The following EML1 variants were observed in gnomAD, a reference collection of about 807,000 sequenced individuals.
EML1 encodes the protein echinoderm microtubule-associated protein-like 1.
Under a neutral mutation model 110.4 loss-of-function variants are expected in EML1, and 27 were observed. The observed-to-expected ratio is 0.24, with a 90% CI of 0.18 to 0.34. The LOEUF is 0.34. Among genes scored for constraint, EML1 ranks in the 10% least tolerant of loss-of-function variants. The probability of loss-of-function intolerance (pLI) is 1.00; values close to 1 mark genes in which losing one functional copy is unlikely to be tolerated. For synonymous variants in EML1, 344 were observed against 385.8 expected, an observed-to-expected ratio of 0.89 and a Z score of 1.27; for missense variants, 741 against 1,030.9, an observed-to-expected ratio of 0.72 and a Z score of 3.85.
intron 2 of EML1, 148 bp downstream of exon 2, chr14:99,851,183 C>T: frequency 2.3e-6 from 2 of 880,696 alleles, no homozygotes; most frequent in South Asian, 1.8e-5. Context: ...AACATAATCA[C>T]ACGACGTATG....
chr14:99,894,584 G>C lies in EML1; in HGVS notation c.548-45G>C, dbSNP rs143655192. 2.6e-4 allele frequency: 417 copies of C among 1,581,228 alleles called. 9 individuals carry two copies. The East Asian group carries it at 9.5e-3, about 36-fold the overall frequency. ...GGATAAAGCATTTGTTTTCAGGTACGCTGGGCACTGAGGTATCTTACTGAA... is the reference window on the plus strand; with the variant it reads ...GGATAAAGCATTTGTTTTCAGGTACCCTGGGCACTGAGGTATCTTACTGAA... On this transcript the variant is annotated intron_variant, in intron 5 of 21. Coordinates refer to ENST00000262233, the MANE Select transcript of EML1 (RefSeq NM_004434.3).
intron 1 of EML1, among the ~76,000 whole-genome samples, chr14:99,836,589 T>C (rs1456322005): frequency 6.6e-6 from 1 of 152,232 alleles, no homozygotes; most frequent in Non-Finnish European, 1.5e-5. Flanking sequence ...TTAATTGTTC[T>C]TGTCTACTAA....
At chr14:99,793,226 G>A (rs2140231268), upstream of EML1, 2 of 588,646 alleles carry the variant, frequency 3.4e-6, no homozygotes, top group Non-Finnish European at 4.3e-6. Context: ...GCCCCGCCCC[G>A]CCACGTCCCC....
intron 15 of EML1, chr14:99,915,057 C>G: frequency 3.4e-6 from 1 of 292,366 alleles, no homozygotes; most frequent in Non-Finnish European, 6.4e-6. Flanking sequence ...AATTTACAAG[C>G]TGTACTAAAC....
intron 2 of EML1, among the ~76,000 whole-genome samples, chr14:99,853,863 G>T (rs2058855333): frequency 6.6e-6 from 1 of 152,072 alleles, no homozygotes; most frequent in Non-Finnish European, 1.5e-5. Flanking sequence ...TAGAGACGGG[G>T]TTTCACCATG....
At chr14:99,803,219 T>A (rs946719910) in intron 1 of EML1, among the ~76,000 whole-genome samples, 1 of 152,136 alleles carries the variant, frequency 6.6e-6, no homozygotes, top group Non-Finnish European at 1.5e-5. Context: ...TTATAGCACC[T>A]CCTCAAACAC....
At chr14:99,797,189 G>A (rs1187979833) in intron 1 of EML1, among the ~76,000 whole-genome samples, 2 of 152,062 alleles carry the variant, frequency 1.3e-5, no homozygotes, top group Admixed American at 1.3e-4. Context: ...TATTTAAATG[G>A]AATTATAGAA....
At chr14:99,824,872 A>G (rs2058326487) in intron 1 of EML1, among the ~76,000 whole-genome samples, 1 of 152,216 alleles carries the variant, frequency 6.6e-6, no homozygotes, top group Non-Finnish European at 1.5e-5. Context: ...GACGTGCAGT[A>G]TAGAATTTTC....
chr14:99,851,977 G>A (rs2058816386), intron 2 of EML1, among the ~76,000 whole-genome samples: 1 of 152,152 alleles, frequency 6.6e-6, no homozygotes, highest in African/African-American at 2.4e-5. Flanking sequence ...ACAGAGCTCT[G>A]TCCCTGGTAG....
intron 20 of EML1, 65 bp downstream of exon 20, chr14:99,937,977 G>A (rs908899284): frequency 8.2e-5 from 125 of 1,516,916 alleles, no homozygotes; most frequent in Middle Eastern, 3.4e-4. Context: ...TATTTCTTCA[G>A]TTGCTACGGA....
chr14:99,895,157 G>T (rs922991166), intron 6 of EML1, among the ~76,000 whole-genome samples: 3 of 152,056 alleles, frequency 2.0e-5, no homozygotes, highest in Non-Finnish European at 2.9e-5. Context: ...CCAAAAGAAT[G>T]ACAATAGTAG....
At chr14:99,912,548 T>C (rs761699023) in intron 13 of EML1, among the ~76,000 whole-genome samples, 15 of 152,186 alleles carry the variant, frequency 9.9e-5, no homozygotes, top group Non-Finnish European at 1.6e-4. Context: ...CACAAAACAC[T>C]TATATTTTAC....
At chr14:99,843,911 G>A (rs1391626649) in intron 1 of EML1, among the ~76,000 whole-genome samples, 1 of 152,164 alleles carries the variant, frequency 6.6e-6, no homozygotes, top group Non-Finnish European at 1.5e-5. Context: ...ACTCCTCAGA[G>A]GGAAGACAGA....
At chr14:99,797,130 C>A (rs2057791394) in intron 1 of EML1, among the ~76,000 whole-genome samples, 1 of 152,140 alleles carries the variant, frequency 6.6e-6, no homozygotes, top group Non-Finnish European at 1.5e-5. Flanking sequence ...TCGCCCTCAC[C>A]CCTGGCAACC....
At chr14:99,741,750 T>A (rs1338594399) in intron 1 of EML1, among the ~76,000 whole-genome samples, 1 of 151,742 alleles carries the variant, frequency 6.6e-6, no homozygotes, top group African/African-American at 2.4e-5. Flanking sequence ...CGCCCCCCAA[T>A]TTATGCCATC....
chr14:99,755,572 G>A (rs1241545761), intron 1 of EML1, among the ~76,000 whole-genome samples: 24 of 152,192 alleles, frequency 1.6e-4, no homozygotes, highest in Non-Finnish European at 3.4e-4. Context: ...GGGCAAAGGA[G>A]CAGCTAAAGA....
chr14:99,845,634 AT>A (rs934085517), intron 1 of EML1, among the ~76,000 whole-genome samples: 5 of 152,102 alleles, frequency 3.3e-5, no homozygotes, highest in Middle Eastern at 3.4e-3. Flanking sequence ...CTTACACAAT[AT>A]TTTTTTTGTA....
At position 99,835,882 on chromosome 14, in the gene EML1, C is replaced by G. The variant is rs751058462; in HGVS notation, c.68-14971C>G. Reference sequence around the variant, plus strand: ...TGGGTCTATTTCTGGACTCTCTGTTCCATTGATCTATGTGTCTGTTCTTTC... The same window carrying G: ...TGGGTCTATTTCTGGACTCTCTGTTGCATTGATCTATGTGTCTGTTCTTTC... On this transcript the variant is annotated intron_variant, in intron 1 of 21. Coordinates refer to ENST00000262233, the MANE Select transcript of EML1 (RefSeq NM_004434.3). Among the ~76,000 whole-genome samples the G allele has an allele frequency of 4.6e-5, 7 of 152,164 alleles. No individual in the cohort carries two copies. In the South Asian group the frequency reaches 8.3e-4, roughly 18 times the overall value.
intron 9 of EML1, among the ~76,000 whole-genome samples, chr14:99,901,459 C>G (rs1438714418): frequency 6.6e-6 from 1 of 152,146 alleles, no homozygotes; most frequent in Non-Finnish European, 1.5e-5. Flanking sequence ...GAATTCAAGG[C>G]AAGTCCATAG....
Sources: allele counts gnomAD v4.1 joint callset (sites outside exome capture counted in the v4.1 genomes callset), GRCh38; gene constraint gnomAD v4.1.1; transcripts MANE v1.5; gene names NCBI Gene and HGNC (gene_info 2026-07-23, HGNC 2026-07-21).